Variants in ARHGEF4 observed in about 807,000 individuals in gnomAD.
ARHGEF4 encodes Rho guanine nucleotide exchange factor 4, also known as APC-stimulated guanine nucleotide exchange factor 1.
ARHGEF4 carries 119 observed loss-of-function variants against 162.0 expected under a neutral mutation model. That is an observed-to-expected ratio of 0.73 (90% CI 0.63 to 0.86). The LOEUF (loss-of-function observed/expected upper bound fraction) is 0.86, where lower values mean the gene tolerates loss of function less well. Ranked by LOEUF, ARHGEF4 falls within the 40% of genes least tolerant of loss-of-function variation. The pLI, the probability that ARHGEF4 is intolerant of heterozygous loss-of-function variation, is 0.00. For missense variants in ARHGEF4, 2,488 were observed against 2,456.0 expected (o/e 1.01, Z -0.28); for synonymous variants, 1,014 against 979.9 (o/e 1.03, Z -0.65).
intron 4 of ARHGEF4, among the ~76,000 whole-genome samples, chr2:130,969,039 T>C (rs1487431801): frequency 1.3e-5 from 2 of 152,194 alleles, no homozygotes; most frequent in Non-Finnish European, 2.9e-5. Flanking sequence ...TCTCCCCTCT[T>C]AGAGATGATC....
intron 4 of ARHGEF4, among the ~76,000 whole-genome samples, chr2:130,976,187 G>A (rs1413891791): frequency 1.3e-5 from 2 of 152,176 alleles, no homozygotes; most frequent in Non-Finnish European, 2.9e-5. Flanking sequence ...ATCCCAGGGT[G>A]TGTGGCCCAG....
At chr2:130,963,435 G>A (rs973533173) in intron 4 of ARHGEF4, among the ~76,000 whole-genome samples, 14 of 151,992 alleles carry the variant, frequency 9.2e-5, no homozygotes, top group Non-Finnish European at 1.9e-4. Context: ...CGTGGGAGGC[G>A]CCGCCAACCG....
At chr2:130,948,219 G>A (rs1348951713) in intron 4 of ARHGEF4, among the ~76,000 whole-genome samples, 1 of 152,214 alleles carries the variant, frequency 6.6e-6, no homozygotes, top group Admixed American at 6.5e-5. Flanking sequence ...TCGAGGTGCT[G>A]GTCCTGAGGG....
chr2:130,837,172 C>T (rs1680252557), intron 1 of ARHGEF4, among the ~76,000 whole-genome samples, 180 bp downstream of exon 1: 1 of 152,082 alleles, frequency 6.6e-6, no homozygotes, highest in African/African-American at 2.4e-5. Context: ...AGGCGGCGTC[C>T]TGCAAAGTGG....
chr2:130,852,236 C>T (rs1002678790), intron 1 of ARHGEF4, among the ~76,000 whole-genome samples: 2 of 152,144 alleles, frequency 1.3e-5, no homozygotes, highest in Non-Finnish European at 2.9e-5. Flanking sequence ...TGGCCCACAG[C>T]GACAGCGTCA....
intron 4 of ARHGEF4, among the ~76,000 whole-genome samples, chr2:130,959,785 C>A (rs1159692728): frequency 6.6e-6 from 1 of 152,170 alleles, no homozygotes; most frequent in Non-Finnish European, 1.5e-5. Flanking sequence ...AGGATTGAAC[C>A]CACATCACTC....
Position 130,916,276 on chromosome 2 carries a change from C to T in ARHGEF4, c.2330C>T (p.Pro777Leu), listed in dbSNP as rs756474467. The change falls in exon 2 of 14, where the codon CCG becomes CTG. Residue 777 changes from proline to leucine, a missense_variant. Transcript: ENST00000409359. ...PRVPALEPPQ[P>L]PRGLRKGAQE... Reference sequence around the variant, plus strand: ...GTCCCCGCCTTGGAGCCGCCCCAGCCGCCACGCGGGCTCCGCAAGGGCGCG... The same window carrying T: ...GTCCCCGCCTTGGAGCCGCCCCAGCTGCCACGCGGGCTCCGCAAGGGCGCG... 1.2e-4 allele frequency: 181 copies of T among 1,526,846 alleles called. No individual in the cohort carries two copies. Among genetic ancestry groups the T allele is most frequent in the Non-Finnish European group, 1.5e-4 (176 of 1,139,660 alleles). 94.6% of individuals were successfully genotyped at this position (1,526,846 alleles called of 1,614,324 possible). A position where few individuals can be genotyped will look rare whatever the true frequency, so the allele number is the denominator to read the frequency against.
chr2:130,947,489 A>G (rs1683695499), intron 4 of ARHGEF4, among the ~76,000 whole-genome samples: 1 of 152,218 alleles, frequency 6.6e-6, no homozygotes, highest in Admixed American at 6.5e-5. Context: ...GTCTCGTAGT[A>G]GGATGTATAA....
Position 130,916,581 on chromosome 2 carries a change from A to G in ARHGEF4, c.2635A>G (p.Thr879Ala). Reference sequence around the variant, plus strand: ...GCCGGCAGGAGCGGGGCACACGGGGACCTCAGGGGATCTTGGTAGCCGAGG... The same window carrying G: ...GCCGGCAGGAGCGGGGCACACGGGGGCCTCAGGGGATCTTGGTAGCCGAGG... ...AGPAGAGHTG[T>A]SGDLGSRGPS... The change falls in exon 2 of 14, where the codon ACC becomes GCC. Residue 879 changes from threonine to alanine, a missense_variant. Coordinates refer to ENST00000409359, the MANE Select transcript of ARHGEF4 (RefSeq NM_001367493.1). The G allele has an allele frequency of 6.5e-7, 1 of 1,550,358 alleles. No individual in the cohort carries two copies. Among genetic ancestry groups the G allele is most frequent in the Non-Finnish European group, 8.7e-7 (1 of 1,146,880 alleles).
chr2:130,914,701 T>C lies in ARHGEF4; in HGVS notation c.755T>C (p.Val252Ala). Reference protein sequence around the residue: ...PHIHNRARALVLPSRGPLDNT... With the variant: ...PHIHNRARALALPSRGPLDNT... Reference sequence around the variant, plus strand: ...ATCCACAACAGGGCCAGGGCACTGGTGCTACCTAGCAGAGGCCCACTGGAC... The same window carrying C: ...ATCCACAACAGGGCCAGGGCACTGGCGCTACCTAGCAGAGGCCCACTGGAC... Residue 252 changes from valine to alanine, a missense_variant, in exon 2 of 14, where the codon GTG (valine) becomes GCG (alanine). Physicochemically the swap from Val to Ala is moderately conservative, Grantham distance 64 (BLOSUM62 0). Around this residue, in one of 6 missense-constraint regions of ARHGEF4, gnomAD observed 1,642 missense variants for 1,481.5 expected, o/e 1.11. Transcript: ENST00000409359. The C allele has an allele frequency of 1.4e-6, 2 of 1,398,490 alleles. 1 individual carries two copies. The highest frequency in any genetic ancestry group is 5.2e-4 in the Middle Eastern group (2 of 3,810). 86.6% of individuals were successfully genotyped at this position (1,398,490 alleles called of 1,614,324 possible).
intron 5 of ARHGEF4, among the ~76,000 whole-genome samples, chr2:131,037,163 G>A (rs1001536249): frequency 6.6e-6 from 1 of 152,238 alleles, no homozygotes; most frequent in Non-Finnish European, 1.5e-5. Flanking sequence ...CTGCCGCGCT[G>A]TGAGGGTTCC....
At chr2:130,855,896 A>G (rs955627055) in intron 1 of ARHGEF4, among the ~76,000 whole-genome samples, 1 of 152,250 alleles carries the variant, frequency 6.6e-6, no homozygotes, top group Non-Finnish European at 1.5e-5. Flanking sequence ...CCACAGGACA[A>G]GTATTAGTAT....
At chr2:131,002,669 C>T (rs13423232) in intron 4 of ARHGEF4, among the ~76,000 whole-genome samples, 5,526 of 143,126 alleles carry the variant, frequency 0.039, 235 homozygotes, top group African/African-American at 0.11. Flanking sequence ...GAGATCGCAC[C>T]ACTGCACTCC....
intron 4 of ARHGEF4, among the ~76,000 whole-genome samples, chr2:131,024,679 GAA>G (rs1201885137): frequency 6.6e-6 from 1 of 152,200 alleles, no homozygotes; most frequent in African/African-American, 2.4e-5. Context: ...GTTTTTTAAA[GAA>G]AGAGAGATGG....
intron 3 of ARHGEF4, among the ~76,000 whole-genome samples, chr2:130,938,692 G>GT (rs1207250493): frequency 1.6e-4 from 24 of 152,024 alleles, no homozygotes; most frequent in Admixed American, 1.6e-3. Flanking sequence ...TCTGTAGCTT[G>GT]TTTTTTCATC....
chr2:130,950,075 T>C (rs573943083), intron 4 of ARHGEF4, among the ~76,000 whole-genome samples: 1 of 152,358 alleles, frequency 6.6e-6, no homozygotes, highest in East Asian at 1.9e-4. Context: ...GAGATTGTTA[T>C]GGGTTCCTGT....
chr2:130,850,533 G>T (rs1193383451), intron 1 of ARHGEF4, among the ~76,000 whole-genome samples: 1 of 152,176 alleles, frequency 6.6e-6, no homozygotes, highest in Non-Finnish European at 1.5e-5. Flanking sequence ...ATTCCGAATT[G>T]CCCAACACCT....
intron 4 of ARHGEF4, among the ~76,000 whole-genome samples, chr2:131,004,785 C>G (rs1406259087): frequency 6.6e-6 from 1 of 152,182 alleles, no homozygotes; most frequent in Non-Finnish European, 1.5e-5. Flanking sequence ...TTTGGCTGAA[C>G]CCTTCTGGCA....
chr2:130,988,887 TATATATATATATATAGAGAG>T (rs1340122642), intron 4 of ARHGEF4, among the ~76,000 whole-genome samples: 35 of 113,086 alleles, frequency 3.1e-4, no homozygotes, highest in African/African-American at 1.0e-3. Flanking sequence ...TATATATATA[TATATATATATATATAGAGAG>T]AGAGAGAGAG....
Sources: allele counts gnomAD v4.1 joint callset (sites outside exome capture counted in the v4.1 genomes callset), GRCh38; gene constraint gnomAD v4.1.1; regional missense constraint gnomAD v4.1.1; transcripts MANE v1.5; gene names NCBI Gene and HGNC (gene_info 2026-07-23, HGNC 2026-07-21).